VTI1B: variants seen among roughly 807,000 people sequenced by gnomAD.
VTI1B encodes the protein vesicle transport through interaction with t-SNAREs homolog 1B.
In VTI1B, 18 loss-of-function variants were observed where a neutral mutation model predicts 28.6. That is an observed-to-expected ratio of 0.63 (90% confidence interval 0.43 to 0.93). The LOEUF is 0.93. Among genes scored for constraint, VTI1B ranks in the 40% least tolerant of loss-of-function variants. VTI1B has a pLI of 0.00. For missense variants in VTI1B, 283 were observed against 297.0 expected, an observed-to-expected ratio of 0.95 and a Z score of 0.35; for synonymous variants, 100 against 107.9, an observed-to-expected ratio of 0.93 and a Z score of 0.46.
At chr14:67,672,568 G>A (rs960761595) in intron 1 of VTI1B, among the ~76,000 whole-genome samples, 15 of 148,834 alleles carry the variant, frequency 1.0e-4, no homozygotes, top group Non-Finnish European at 1.6e-4. Context: ...TCAGCCTCCT[G>A]AGTAGCTGGG....
chr14:67,669,034 T>TCAGGCAG (rs1460712773), intron 1 of VTI1B, among the ~76,000 whole-genome samples: 1 of 152,204 alleles, frequency 6.6e-6, no homozygotes, highest in Admixed American at 6.5e-5. Context: ...AGCTCTATTA[T>TCAGGCAG]CAGGCAGTAT....
Position 67,653,508 on chromosome 14 carries a change from GA to G in VTI1B, c.541-11del. 4 of 1,611,456 alleles carry G rather than the reference GA, an allele frequency of 2.5e-6. No individual in the cohort carries two copies. Among genetic ancestry groups the G allele is most frequent in the Admixed American group, 1.7e-5 (1 of 59,978 alleles). On this transcript the variant is annotated splice_polypyrimidine_tract_variant and intron_variant, in intron 4 of 5. Transcript: ENST00000554659. ...CACTTGTGTTTACCAGCTGAGAAGA[GA>G]AAATAGTGATTATTTCCCTCTTTAA...
intron 1 of VTI1B, among the ~76,000 whole-genome samples, chr14:67,672,077 G>T (rs1049340308): frequency 6.6e-6 from 1 of 151,946 alleles, no homozygotes; most frequent in Admixed American, 6.6e-5. Context: ...TATAGAAATG[G>T]GCATTGCAAA....
intron 3 of VTI1B, 142 bp from the exon 4 acceptor site, chr14:67,656,731 A>G: frequency 1.1e-6 from 1 of 935,450 alleles, no homozygotes; most frequent in South Asian, 2.9e-5. Context: ...CAAAGAAGCT[A>G]ATGATTCTTT....
chr14:67,648,293 T>C lies in VTI1B; in HGVS notation c.*3092A>G, dbSNP rs1057471699. 7.8e-7 allele frequency: 1 copy of C among 1,283,386 alleles called. No individual in the cohort carries two copies. 79.5% of individuals were successfully genotyped at this position (1,283,386 alleles called of 1,614,324 possible). Reference sequence around the variant, plus strand: ...TTCCACATCATTGCAGAGTTTGTTTTTGCTTAAACTTTTGTAGCTAAAAAT... The same window carrying C: ...TTCCACATCATTGCAGAGTTTGTTTCTGCTTAAACTTTTGTAGCTAAAAAT... On this transcript the variant is annotated 3_prime_UTR_variant, in exon 6 of 6. Coordinates refer to ENST00000554659, the MANE Select transcript of VTI1B (RefSeq NM_006370.3).
chr14:67,647,090 T>G lies in VTI1B; in HGVS notation c.*4295A>C. The G allele has an allele frequency of 9.6e-7, 1 of 1,037,846 alleles. No individual in the cohort carries two copies. The highest frequency in any genetic ancestry group is 1.3e-5 in the South Asian group (1 of 75,494). The allele number at this position is 1,037,846 out of a possible 1,614,324, so 64.3% of individuals were successfully genotyped here. A position where few individuals can be genotyped will look rare whatever the true frequency, so the allele number is the denominator to read the frequency against. ...GGCAACACACTTTTAGCCTGTTTCT[T>G]GAGGACAGCAGCTTTACTTTTAAAA... is the stretch of plus-strand genomic sequence containing the variant. On this transcript the variant is annotated 3_prime_UTR_variant, in exon 6 of 6. Coordinates refer to ENST00000554659, the MANE Select transcript of VTI1B (RefSeq NM_006370.3).
At chr14:67,654,379 G>A (rs1236895149) in intron 4 of VTI1B, among the ~76,000 whole-genome samples, 1 of 152,046 alleles carries the variant, frequency 6.6e-6, no homozygotes, top group African/African-American at 2.4e-5. Context: ...CTAGGCTCAA[G>A]CCATCCTCCC....
chr14:67,665,950 G>C (rs2037397431), intron 1 of VTI1B, among the ~76,000 whole-genome samples: 2 of 152,160 alleles, frequency 1.3e-5, no homozygotes, highest in South Asian at 4.1e-4. Context: ...AGCTATTACT[G>C]TTCCTGAGGG....
chr14:67,668,462 G>T (rs1208278381), intron 1 of VTI1B, among the ~76,000 whole-genome samples: 1 of 152,188 alleles, frequency 6.6e-6, no homozygotes, highest in Non-Finnish European at 1.5e-5. Flanking sequence ...GTACTTTGGA[G>T]AAATACAGTT....
chr14:67,662,080 C>T (rs2037342885), intron 2 of VTI1B, among the ~76,000 whole-genome samples: 1 of 151,238 alleles, frequency 6.6e-6, no homozygotes, highest in East Asian at 2.0e-4. Context: ...GGTGTGAACC[C>T]GGGAGGTGGA....
chr14:67,660,079 C>A, intron 2 of VTI1B, 157 bp from the exon 3 acceptor site: 1 of 739,640 alleles, frequency 1.4e-6, no homozygotes, highest in Non-Finnish European at 2.1e-6. Flanking sequence ...TGGCATGTTC[C>A]CCTCATTCTG....
At chr14:67,669,725 C>T (rs1004064340) in intron 1 of VTI1B, among the ~76,000 whole-genome samples, 9 of 152,182 alleles carry the variant, frequency 5.9e-5, no homozygotes, top group African/African-American at 2.2e-4. Context: ...ACCCAGTTGA[C>T]CAAGTGAAAA....
At position 67,648,218 on chromosome 14, in the gene VTI1B, C is replaced by T. The variant is rs763987669; in HGVS notation, c.*3167G>A. On this transcript the variant is annotated 3_prime_UTR_variant, in exon 6 of 6. Coordinates refer to ENST00000554659, the MANE Select transcript of VTI1B (RefSeq NM_006370.3). ...AACCAGGTCTGCAGCCTGTTAACTA[C>T]ATAGGTAAATATGCTAGAGTCTCTT... 28 of 1,596,210 alleles carry T rather than the reference C, an allele frequency of 1.8e-5. No individual in the cohort carries two copies. The highest frequency in any genetic ancestry group is 2.4e-5 in the Non-Finnish European group (28 of 1,167,846).
intron 2 of VTI1B, 183 bp from the exon 3 acceptor site, chr14:67,660,105 G>A (rs2037317519): frequency 1.7e-6 from 1 of 588,856 alleles, no homozygotes. Flanking sequence ...CTTGCATAGT[G>A]CCCAGCAAGC....
chr14:67,656,255 A>AG (rs1254149378), intron 4 of VTI1B, among the ~76,000 whole-genome samples, 161 bp downstream of exon 4: 10 of 152,024 alleles, frequency 6.6e-5, no homozygotes, highest in Non-Finnish European at 1.5e-4. Context: ...CAAAAAAAAA[A>AG]AAAAAATTAA....
At position 67,659,822 on chromosome 14, in the gene VTI1B, T is replaced by C. The variant is rs2037313333; in HGVS notation, c.275A>G (p.His92Arg). Residue 92 changes from histidine to arginine, a missense_variant, in exon 3 of 6, where the codon CAT becomes CGT. Transcript: ENST00000554659. ...RNYRKDLAKLHREVRSTPLTA... is the reference protein window; with the variant it reads ...RNYRKDLAKLRREVRSTPLTA... ...CAAAGGTGTGCTTCTCACCTCCCGA[T>C]GGAGTTTAGCAAGGTCCTTCCGGTA... 4 of 1,614,174 alleles carry C rather than the reference T, an allele frequency of 2.5e-6. No homozygotes were observed. Among genetic ancestry groups the C allele is most frequent in the Non-Finnish European group, 2.5e-6 (3 of 1,180,040 alleles).
At chr14:67,656,260 AATT>A (rs1194083933) in intron 4 of VTI1B, among the ~76,000 whole-genome samples, 153 bp downstream of exon 4, 7 of 151,880 alleles carry the variant, frequency 4.6e-5, no homozygotes, top group Non-Finnish European at 1.0e-4. Context: ...AAAAAAAAAA[AATT>A]AATAAATAAA....
chr14:67,660,416 A>AT (rs1371930735), intron 2 of VTI1B, among the ~76,000 whole-genome samples: 1 of 152,192 alleles, frequency 6.6e-6, no homozygotes, highest in East Asian at 1.9e-4. Context: ...ATATATATAT[A>AT]AAAAATTAAA....
rs1382017191 is a variant in VTI1B at position 67,649,205 on chromosome 14, A to G, written c.*2180T>C. ...TGGCATGGCTTGTCTCTTTGTTCCT[A>G]TGCTACAATATTTTACTCCAAAAGA... On this transcript the variant is annotated 3_prime_UTR_variant, in exon 6 of 6. Transcript: ENST00000554659. The G allele has an allele frequency of 6.6e-6, 1 of 152,100 alleles. No individual in the cohort carries two copies. Among genetic ancestry groups the G allele is most frequent in the African/African-American group, 2.4e-5 (1 of 41,402 alleles). 9.4% of individuals were successfully genotyped at this position (152,100 alleles called of 1,614,324 possible).
Sources: allele counts gnomAD v4.1 joint callset (sites outside exome capture counted in the v4.1 genomes callset), GRCh38; gene constraint gnomAD v4.1.1; transcripts MANE v1.5; gene names NCBI Gene and HGNC (gene_info 2026-07-23, HGNC 2026-07-21).